The following RPGRIP1 variants were observed in gnomAD, a reference collection of about 807,000 sequenced individuals.
RPGRIP1 encodes the protein X-linked retinitis pigmentosa GTPase regulator-interacting protein 1.
Under a neutral mutation model 157.9 loss-of-function variants are expected in RPGRIP1, and 128 were observed. The ratio of observed to expected loss-of-function variants is 0.81; its 90% CI spans 0.70 to 0.94. The LOEUF (loss-of-function observed/expected upper bound fraction) is 0.94, where lower values mean the gene tolerates loss of function less well. Among genes scored for constraint, RPGRIP1 ranks in the 40% least tolerant of loss-of-function variants. The probability of loss-of-function intolerance (pLI) is 0.00; values close to 1 mark genes in which losing one functional copy is unlikely to be tolerated. For synonymous variants in RPGRIP1, 554 were observed against 571.6 expected, an observed-to-expected ratio of 0.97 and a Z score of 0.44; for missense variants, 1,486 against 1,545.8, an observed-to-expected ratio of 0.96 and a Z score of 0.65.
intron 21 of RPGRIP1, among the ~76,000 whole-genome samples, chr14:21,336,773 G>A (rs1162540438): frequency 2.6e-5 from 4 of 152,034 alleles, no homozygotes; most frequent in African/African-American, 9.7e-5. Context: ...TTTAAACTGC[G>A]CAACCTCTCA....
intron 3 of RPGRIP1, among the ~76,000 whole-genome samples, chr14:21,298,817 G>C (rs1230210943): frequency 6.8e-6 from 1 of 147,308 alleles, no homozygotes; most frequent in Non-Finnish European, 1.5e-5. Flanking sequence ...GTGGGCGCCT[G>C]TAATCCCAGC....
chr14:21,319,908 A>G, intron 11 of RPGRIP1, 109 bp from the exon 12 acceptor site: 2 of 1,060,216 alleles, frequency 1.9e-6, no homozygotes, highest in Non-Finnish European at 2.7e-6. Context: ...TCTCAAATTT[A>G]TAACATTAAT....
chr14:21,296,681 C>A (rs902846310), intron 3 of RPGRIP1, among the ~76,000 whole-genome samples: 22 of 151,768 alleles, frequency 1.4e-4, no homozygotes, highest in Non-Finnish European at 1.0e-4. Flanking sequence ...AATTAGCCAG[C>A]CACAGTGGCT....
Position 21,322,001 on chromosome 14 carries a change from T to A in RPGRIP1, c.1759T>A (p.Ser587Thr). Residue 587 changes from serine (S) to threonine (T), a missense_variant, in exon 14 of 25, where the codon TCT (serine) becomes ACT (threonine). Transcript: ENST00000400017. ...GILRSHDLPT[S>T]EQLKDVAYGT... The stretch of plus-strand genomic sequence containing the variant: ...TTTAAGAAGCCATGACCTTCCAACA[T>A]CTGGCAAGTCTTAGTCCTTTGTTCT... The A allele has an allele frequency of 6.2e-7, 1 of 1,611,910 alleles. No individual in the cohort carries two copies. The highest frequency in any genetic ancestry group is 8.5e-7 in the Non-Finnish European group (1 of 1,179,130).
chr14:21,298,136 A>G (rs1234892044), intron 3 of RPGRIP1, among the ~76,000 whole-genome samples: 1 of 151,934 alleles, frequency 6.6e-6, no homozygotes. Context: ...TAGGCAGTGG[A>G]CTTGTTTTGT....
chr14:21,301,292 T>C lies in RPGRIP1; in HGVS notation c.490+55T>C, dbSNP rs1378596235. 5.3e-6 allele frequency: 8 copies of C among 1,521,986 alleles called. No individual in the cohort carries two copies. The South Asian group carries it at 8.6e-5, about 16-fold the overall frequency. 94.3% of individuals were successfully genotyped at this position (1,521,986 alleles called of 1,614,324 possible). ...GCTAAGACACTGGGAAGGACTGATGTGCCAGCCACGTTTTCCTCACTGCCT... is the reference window on the plus strand; with the variant it reads ...GCTAAGACACTGGGAAGGACTGATGCGCCAGCCACGTTTTCCTCACTGCCT... On this transcript the variant is annotated intron_variant, in intron 4 of 24. Transcript: ENST00000400017.
rs1883278785 is a variant in RPGRIP1, at chr14:21,327,888, A to G, written c.2895+81A>G. Reference sequence around the variant, plus strand: ...TTGAAGGAGACAGTATTATAGTTGAAGTAGGTGCAGTGGCTCACGCCTGTA... The same window carrying G: ...TTGAAGGAGACAGTATTATAGTTGAGGTAGGTGCAGTGGCTCACGCCTGTA... On this transcript the variant is annotated intron_variant, in intron 18 of 24. Transcript: ENST00000400017. The G allele has an allele frequency of 3.6e-6, 4 of 1,111,742 alleles. No homozygotes were observed. In the South Asian group the frequency reaches 7.4e-5, roughly 21 times the overall value. 68.9% of individuals were successfully genotyped at this position (1,111,742 alleles called of 1,614,324 possible). A position where few individuals can be genotyped will look rare whatever the true frequency, so the allele number is the denominator to read the frequency against.
chr14:21,314,295 G>A (rs563472605), intron 10 of RPGRIP1, among the ~76,000 whole-genome samples: 3 of 152,154 alleles, frequency 2.0e-5, no homozygotes, highest in South Asian at 4.1e-4. Flanking sequence ...GATTGCCCAG[G>A]CTGGTCTCAA....
At position 21,321,270 on chromosome 14, in the gene RPGRIP1, CA is replaced by C; in HGVS notation, c.1484del (p.Asn495ThrfsTer11). On this transcript the variant is annotated frameshift_variant, in exon 13 of 25. Coordinates refer to ENST00000400017, the MANE Select transcript of RPGRIP1 (RefSeq NM_020366.4). LOFTEE classifies it high-confidence loss of function. ...GTTTCCCTCTACAGCCAAGTGAACC[CA>C]AAAACCAAGAAGAAAAGAAACTGTC... ...ENTQIEPSEP[K>X]NQEEKKLSQV... 1 of 1,612,904 alleles carries C rather than the reference CA, an allele frequency of 6.2e-7. No individual in the cohort carries two copies. Among genetic ancestry groups the C allele is most frequent in the Admixed American group, 1.7e-5 (1 of 59,796 alleles).
chr14:21,301,180 G>A lies in RPGRIP1; in HGVS notation c.433G>A (p.Val145Met), dbSNP rs1881012139. The A allele has an allele frequency of 6.3e-7, 1 of 1,595,764 alleles. No homozygotes were observed. Among genetic ancestry groups the A allele is most frequent in the Non-Finnish European group, 8.5e-7 (1 of 1,171,836 alleles). ...CCGCCGCGCCCAGCCTCGCGTCCAA[G>A]TGGGACACAGACAGCTCCACACAGC... is the stretch of plus-strand genomic sequence containing the variant. ...SPRRAQPRVQ[V>M]GHRQLHTAGA... The change falls in exon 4 of 25, where the codon GTG becomes ATG. Residue 145 changes from valine to methionine, a missense_variant. Physicochemically the swap from Val to Met is conservative, Grantham distance 21. Coordinates refer to ENST00000400017, the MANE Select transcript of RPGRIP1 (RefSeq NM_020366.4).
At chr14:21,286,259 G>A (rs986051154) in intron 1 of RPGRIP1, among the ~76,000 whole-genome samples, 3 of 152,030 alleles carry the variant, frequency 2.0e-5, no homozygotes, top group South Asian at 2.1e-4. Flanking sequence ...CCAAAGTGCC[G>A]GGGTTACAGG....
At chr14:21,338,040 C>T (rs1313348915) in intron 21 of RPGRIP1, among the ~76,000 whole-genome samples, 1 of 152,124 alleles carries the variant, frequency 6.6e-6, no homozygotes, top group Non-Finnish European at 1.5e-5. Flanking sequence ...TCTCACCCTC[C>T]CGAGTAGCTG....
At position 21,345,206 on chromosome 14, in the gene RPGRIP1, C is replaced by T. The variant is rs774305848; in HGVS notation, c.3617+9C>T. 1 of 1,597,062 alleles carries T rather than the reference C, an allele frequency of 6.3e-7. No homozygotes were observed. Among genetic ancestry groups the T allele is most frequent in the Admixed American group, 1.7e-5 (1 of 58,852 alleles). On this transcript the variant is annotated intron_variant, in intron 23 of 24. Transcript: ENST00000400017. The stretch of plus-strand genomic sequence containing the variant: ...GATCCTGATCAAGGACAGTAAGCAT[C>T]TGCTTTCCACTTTGAAACAAAGGAG...
intron 3 of RPGRIP1, 86 bp from the exon 4 acceptor site, chr14:21,300,880 A>G: frequency 6.9e-7 from 1 of 1,450,092 alleles, no homozygotes; most frequent in East Asian, 2.3e-5. Flanking sequence ...CATATTATAG[A>G]TCAATTCGTG....
chr14:21,307,137 A>T (rs1409625872), intron 6 of RPGRIP1, among the ~76,000 whole-genome samples: 3 of 150,146 alleles, frequency 2.0e-5, no homozygotes, highest in Non-Finnish European at 4.4e-5. Context: ...GCTCACTGCA[A>T]CCTCCGCCTC....
At position 21,320,144 on chromosome 14, in the gene RPGRIP1, C is replaced by T. The variant is rs796952603; in HGVS notation, c.1434C>T (p.His478=). The T allele has an allele frequency of 1.6e-5, 26 of 1,613,932 alleles. No homozygotes were observed. The highest frequency in any genetic ancestry group is 2.1e-5 in the Non-Finnish European group (25 of 1,179,864). ...ACAGGCAATCTGAACCAGCCACTCA[C>T]CCAGCTGTATTGCAAGAGAACACTC... ...PPDRQSEPAT[H]PAVLQENTQI... Residue 478 remains histidine, a synonymous_variant, in exon 12 of 25, where the codon CAC becomes CAT. Coordinates refer to ENST00000400017, the MANE Select transcript of RPGRIP1 (RefSeq NM_020366.4).
rs757741922 is a variant in RPGRIP1 at position 21,307,869 on chromosome 14, TG to T, written c.906+39del. 6.4e-6 allele frequency: 8 copies of T among 1,240,506 alleles called. No individual in the cohort carries two copies. In the South Asian group the frequency reaches 1.1e-4, roughly 16 times the overall value. 76.8% of individuals were successfully genotyped at this position (1,240,506 alleles called of 1,614,324 possible). ...GCCATCATCAGCTGTGCTTTCTTGG[TG>T]GGGGGAAACCCCAATTAAGAGATTC... On this transcript the variant is annotated intron_variant, in intron 7 of 24. Transcript: ENST00000400017.
At chr14:21,297,931 A>T (rs4539513) in intron 3 of RPGRIP1, among the ~76,000 whole-genome samples, 1,840 of 148,946 alleles carry the variant, frequency 0.012, 16 homozygotes, top group Middle Eastern at 0.042. Context: ...GCAGTGGTGC[A>T]GTCTCAGCTC....
chr14:21,339,401 G>C (rs1594255572), intron 21 of RPGRIP1, among the ~76,000 whole-genome samples: 1 of 152,180 alleles, frequency 6.6e-6, no homozygotes, highest in East Asian at 1.9e-4. Flanking sequence ...AGCCGAGATG[G>C]TTCCCCTGCA....
Sources: allele counts gnomAD v4.1 joint callset (sites outside exome capture counted in the v4.1 genomes callset), GRCh38; gene constraint gnomAD v4.1.1; transcripts MANE v1.5; gene names NCBI Gene and HGNC (gene_info 2026-07-23, HGNC 2026-07-21).